TENM4: variants seen among roughly 807,000 people sequenced by gnomAD.
The protein encoded by TENM4 is teneurin transmembrane protein 4, also known as teneurin-4.
A neutral mutation model predicts 243.3 loss-of-function variants in TENM4; 82 were observed. The observed-to-expected ratio is 0.34, with a 90% confidence interval of 0.28 to 0.40. The LOEUF is 0.40. Among genes scored for constraint, TENM4 ranks in the 10% least tolerant of loss-of-function variants. The probability of loss-of-function intolerance (pLI) is 1.00; values close to 1 mark genes in which losing one functional copy is unlikely to be tolerated. For missense variants in TENM4, 3,138 were observed against 3,673.3 expected (o/e 0.85, Z 3.77); for synonymous variants, 1,412 against 1,456.3 (o/e 0.97, Z 0.69).
intron 12 of TENM4, among the ~76,000 whole-genome samples, chr11:78,821,196 T>C (rs1857722216): frequency 6.6e-6 from 1 of 152,244 alleles, no homozygotes. Flanking sequence ...AAAGATTGTT[T>C]CCTTATTATA....
At chr11:78,865,630 A>G (rs1229031847) in intron 9 of TENM4, among the ~76,000 whole-genome samples, 1 of 152,200 alleles carries the variant, frequency 6.6e-6, no homozygotes, top group East Asian at 1.9e-4. Flanking sequence ...ACACAAAAAA[A>G]CTACCGAGGA....
intron 18 of TENM4, among the ~76,000 whole-genome samples, chr11:78,768,409 G>T (rs575882424): frequency 6.6e-6 from 1 of 152,332 alleles, no homozygotes; most frequent in South Asian, 2.1e-4. Context: ...TCCCAGTAGG[G>T]CACCCAGGCA....
intron 2 of TENM4, among the ~76,000 whole-genome samples, chr11:79,257,017 C>A (rs1185953266): frequency 6.6e-6 from 1 of 152,042 alleles, no homozygotes; most frequent in East Asian, 1.9e-4. Context: ...AAAGGATAAG[C>A]AGGAGTGGGC....
intron 4 of TENM4, among the ~76,000 whole-genome samples, chr11:79,132,532 A>G (rs572572760): frequency 9.2e-5 from 14 of 152,148 alleles, no homozygotes; most frequent in African/African-American, 2.6e-4. Context: ...TCCAACAACC[A>G]CAGAATACAC....
At chr11:79,437,684 G>A (rs1355036618) in intron 1 of TENM4, among the ~76,000 whole-genome samples, 1 of 152,186 alleles carries the variant, frequency 6.6e-6, no homozygotes, top group Non-Finnish European at 1.5e-5. Flanking sequence ...AGGGGCTGGG[G>A]CGAGGGAGCT....
intron 32 of TENM4, among the ~76,000 whole-genome samples, chr11:78,666,391 C>T (rs1372389050): frequency 6.6e-6 from 1 of 152,124 alleles, no homozygotes; most frequent in African/African-American, 2.4e-5. Flanking sequence ...AATGTAAAAT[C>T]TTTTTCTTAT....
At chr11:78,839,447 T>TTGCAGGTATATGCAGGTATA (rs1210703363) in intron 12 of TENM4, among the ~76,000 whole-genome samples, 2 of 152,208 alleles carry the variant, frequency 1.3e-5, no homozygotes. Flanking sequence ...TAAGTGGTTG[T>TTGCAGGTATATGCAGGTATA]TGCAGGTATA....
At chr11:79,279,043 T>C (rs1856109709) in intron 2 of TENM4, among the ~76,000 whole-genome samples, 1 of 152,120 alleles carries the variant, frequency 6.6e-6, no homozygotes, top group African/African-American at 2.4e-5. Context: ...CACAGGTGTT[T>C]ACACCTTTAG....
chr11:78,997,403 G>T (rs2136687817), intron 6 of TENM4, among the ~76,000 whole-genome samples: 1 of 152,248 alleles, frequency 6.6e-6, no homozygotes, highest in Middle Eastern at 3.4e-3. Flanking sequence ...TAAAGCAAAT[G>T]TTACCTTTCT....
intron 2 of TENM4, among the ~76,000 whole-genome samples, chr11:79,293,434 A>G (rs899806529): frequency 2.0e-5 from 3 of 151,296 alleles, no homozygotes; most frequent in Non-Finnish European, 4.4e-5. Flanking sequence ...TTGAGCCCAG[A>G]CGTTTGAGGC....
chr11:79,109,720 T>G (rs1305590369), intron 4 of TENM4, among the ~76,000 whole-genome samples: 1 of 152,190 alleles, frequency 6.6e-6, no homozygotes, highest in Non-Finnish European at 1.5e-5. Context: ...GCCTTCCAAA[T>G]CACAGACACT....
chr11:79,114,922 T>G (rs1861587484), intron 4 of TENM4, among the ~76,000 whole-genome samples: 1 of 152,164 alleles, frequency 6.6e-6, no homozygotes, highest in African/African-American at 2.4e-5. Flanking sequence ...CAGGGGATAT[T>G]TAGCACATGT....
At chr11:78,771,694 A>C (rs1281637813) in intron 17 of TENM4, among the ~76,000 whole-genome samples, 1 of 152,082 alleles carries the variant, frequency 6.6e-6, no homozygotes, top group South Asian at 2.1e-4. Flanking sequence ...ATTTTCTCCT[A>C]AACAACTGTC....
intron 2 of TENM4, among the ~76,000 whole-genome samples, chr11:79,228,255 A>T (rs1016718494): frequency 6.6e-6 from 1 of 152,164 alleles, no homozygotes; most frequent in Non-Finnish European, 1.5e-5. Flanking sequence ...CCACTGTCAG[A>T]ACAGGGGACT....
chr11:79,148,850 A>C, intron 3 of TENM4, 44 bp from the exon 4 acceptor site: 9 of 748,688 alleles, frequency 1.2e-5, no homozygotes, highest in Non-Finnish European at 1.5e-5. Context: ...TTTGATGAGG[A>C]TGCTGTTCTG....
At chr11:78,820,679 G>A (rs1857707067) in intron 12 of TENM4, among the ~76,000 whole-genome samples, 1 of 152,120 alleles carries the variant, frequency 6.6e-6, no homozygotes, top group African/African-American at 2.4e-5. Flanking sequence ...GTTTCTGGGG[G>A]GTAAACCCAC....
chr11:79,164,293 C>A (rs1280168204), intron 3 of TENM4, among the ~76,000 whole-genome samples: 99 of 120,862 alleles, frequency 8.2e-4, no homozygotes, highest in Admixed American at 1.8e-3. Flanking sequence ...TATAGATATA[C>A]TAGTATATAT....
At chr11:78,744,200 A>T (rs1029392048) in intron 19 of TENM4, among the ~76,000 whole-genome samples, 1 of 152,188 alleles carries the variant, frequency 6.6e-6, no homozygotes, top group Non-Finnish European at 1.5e-5. Flanking sequence ...ACAGCCTGAC[A>T]TTGTCCTCTC....
chr11:79,130,650 C>G (rs999875342), intron 4 of TENM4, among the ~76,000 whole-genome samples: 1 of 152,010 alleles, frequency 6.6e-6, no homozygotes, highest in Non-Finnish European at 1.5e-5. Flanking sequence ...GGTGAAACAC[C>G]ATCTCTACTA....
Sources: gnomAD v4.1 joint callset for allele counts (sites outside exome capture counted in the v4.1 genomes callset) on GRCh38, gnomAD v4.1.1 for gene constraint, MANE v1.5 for transcripts, NCBI Gene and HGNC (gene_info 2026-07-23, HGNC 2026-07-21) for gene names.